The following CNTNAP5 variants were observed in gnomAD, a reference collection of about 807,000 sequenced individuals.
The protein encoded by CNTNAP5 is contactin-associated protein-like 5.
A neutral mutation model predicts 150.2 loss-of-function variants in CNTNAP5; 72 were observed. The ratio of observed to expected loss-of-function variants is 0.48; its 90% CI spans 0.40 to 0.58. The LOEUF (loss-of-function observed/expected upper bound fraction) is 0.58, where lower values mean the gene tolerates loss of function less well. CNTNAP5 is among the 20% of genes least tolerant of loss of function. CNTNAP5 has a pLI of 0.00. For synonymous variants in CNTNAP5, 672 were observed against 619.8 expected (o/e 1.08, Z -1.25); for missense variants, 1,636 against 1,626.2 (o/e 1.01, Z -0.10).
intron 3 of CNTNAP5, among the ~76,000 whole-genome samples, chr2:124,311,094 T>C (rs1180058387): frequency 6.6e-6 from 1 of 152,240 alleles, no homozygotes; most frequent in African/African-American, 2.4e-5. Flanking sequence ...TCTCACGTCT[T>C]CCTAAGAATC....
intron 3 of CNTNAP5, among the ~76,000 whole-genome samples, chr2:124,262,583 G>C (rs149251455): frequency 5.1e-4 from 77 of 151,588 alleles, no homozygotes; most frequent in African/African-American, 1.8e-3. Context: ...TAGATATTTT[G>C]CAGGTCATTG....
intron 1 of CNTNAP5, among the ~76,000 whole-genome samples, chr2:124,036,748 G>A (rs1681231941): frequency 6.6e-6 from 1 of 152,104 alleles, no homozygotes; most frequent in Admixed American, 6.5e-5. Flanking sequence ...TACTCTATTT[G>A]TTACCAACAG....
intron 3 of CNTNAP5, among the ~76,000 whole-genome samples, chr2:124,410,951 T>C (rs1330744024): frequency 6.6e-6 from 1 of 151,914 alleles, no homozygotes; most frequent in African/African-American, 2.4e-5. Flanking sequence ...GCTGGTTTTT[T>C]GAAAGGATCA....
At chr2:124,747,148 T>C (rs1680619681) in intron 13 of CNTNAP5, 81 bp from the exon 14 acceptor site, 2 of 1,366,412 alleles carry the variant, frequency 1.5e-6, no homozygotes, top group African/African-American at 2.9e-5. Context: ...CTCCAAGATA[T>C]TTTCAGCTCA....
chr2:124,447,793 G>C (rs530484675), intron 6 of CNTNAP5, among the ~76,000 whole-genome samples: 2 of 152,228 alleles, frequency 1.3e-5, no homozygotes, highest in African/African-American at 4.8e-5. Context: ...AAAGAATAGG[G>C]TTAGAAGACT....
At chr2:124,841,597 G>A (rs140710005) in intron 19 of CNTNAP5, among the ~76,000 whole-genome samples, 35 of 152,130 alleles carry the variant, frequency 2.3e-4, no homozygotes, top group Non-Finnish European at 3.7e-4. Flanking sequence ...TTCCCTCGCA[G>A]CATTCCTCTT....
intron 3 of CNTNAP5, among the ~76,000 whole-genome samples, chr2:124,308,571 G>T (rs115136667): frequency 6.6e-6 from 1 of 152,144 alleles, no homozygotes; most frequent in Non-Finnish European, 1.5e-5. Flanking sequence ...AGGCTTAAAA[G>T]GTTAGCAAAG....
intron 1 of CNTNAP5, among the ~76,000 whole-genome samples, chr2:124,150,477 A>G (rs1311988867): frequency 1.3e-5 from 2 of 152,196 alleles, no homozygotes; most frequent in Non-Finnish European, 2.9e-5. Flanking sequence ...TTCAGCTGCT[A>G]TAACAAAAAT....
intron 12 of CNTNAP5, among the ~76,000 whole-genome samples, chr2:124,620,307 A>G (rs993390388): frequency 6.6e-6 from 1 of 152,100 alleles, no homozygotes; most frequent in Non-Finnish European, 1.5e-5. Flanking sequence ...CATTAAATCA[A>G]TAACAGTTTG....
chr2:124,447,027 G>C (rs1021015815), intron 6 of CNTNAP5, 90 bp downstream of exon 6: 22 of 1,290,364 alleles, frequency 1.7e-5, no homozygotes, highest in Middle Eastern at 3.8e-4. Context: ...TGAGAGAAGT[G>C]GTGGGGCACT....
At chr2:124,143,781 G>T in intron 1 of CNTNAP5, among the ~76,000 whole-genome samples, 1 of 130,650 alleles carries the variant, frequency 7.7e-6, no homozygotes, top group Admixed American at 8.3e-5. Flanking sequence ...AGTGTTGGAA[G>T]TTCTGGCCAG....
chr2:124,779,146 C>T (rs575359681), intron 17 of CNTNAP5, among the ~76,000 whole-genome samples: 7 of 152,330 alleles, frequency 4.6e-5, no homozygotes, highest in Admixed American at 2.6e-4. Flanking sequence ...CATCTGTCTG[C>T]ACCTTCAGAA....
intron 17 of CNTNAP5, among the ~76,000 whole-genome samples, chr2:124,777,477 G>A (rs970553009): frequency 2.0e-5 from 3 of 151,942 alleles, no homozygotes; most frequent in Non-Finnish European, 4.4e-5. Context: ...CTGCTTCCCG[G>A]GTACAAGCAA....
intron 13 of CNTNAP5, among the ~76,000 whole-genome samples, chr2:124,692,514 A>T (rs576844562): frequency 2.0e-5 from 3 of 152,258 alleles, no homozygotes; most frequent in East Asian, 3.9e-4. Flanking sequence ...CACTGAAACA[A>T]CTGCTCTCAG....
intron 13 of CNTNAP5, among the ~76,000 whole-genome samples, chr2:124,744,581 G>T (rs1294052099): frequency 1.3e-5 from 2 of 152,044 alleles, no homozygotes; most frequent in African/African-American, 4.8e-5. Context: ...TATTCCAAGT[G>T]CCTAGAAACT....
At chr2:124,614,946 T>C (rs925012847) in intron 12 of CNTNAP5, among the ~76,000 whole-genome samples, 3 of 151,266 alleles carry the variant, frequency 2.0e-5, no homozygotes, top group African/African-American at 7.3e-5. Context: ...ATGTTTACAC[T>C]ACATGGTAAA....
intron 19 of CNTNAP5, among the ~76,000 whole-genome samples, chr2:124,803,665 T>C (rs932207702): frequency 6.6e-6 from 1 of 152,224 alleles, no homozygotes; most frequent in Non-Finnish European, 1.5e-5. Flanking sequence ...AAAGATGCAC[T>C]GTCTGCATTT....
chr2:124,713,402 G>C (rs1445478373), intron 13 of CNTNAP5, among the ~76,000 whole-genome samples: 1 of 124,188 alleles, frequency 8.1e-6, no homozygotes, highest in Non-Finnish European at 1.7e-5. Flanking sequence ...TTTTGAGATA[G>C]AGTCTTGCTC....
At chr2:124,650,444 A>T (rs1678297561) in intron 13 of CNTNAP5, among the ~76,000 whole-genome samples, 1 of 152,180 alleles carries the variant, frequency 6.6e-6, no homozygotes. Flanking sequence ...ACAATATATA[A>T]CATTTGTAGC....
Sources: allele counts gnomAD v4.1 joint callset (sites outside exome capture counted in the v4.1 genomes callset), GRCh38; gene constraint gnomAD v4.1.1; transcripts MANE v1.5; gene names NCBI Gene and HGNC (gene_info 2026-07-23, HGNC 2026-07-21).